Variants in USH2A observed in about 807,000 individuals in gnomAD.
USH2A encodes the protein Usher syndrome 2A (autosomal recessive, mild).
In USH2A, 443 loss-of-function variants were observed where a neutral mutation model predicts 538.9. That is an observed-to-expected ratio of 0.82 (90% CI 0.76 to 0.89). The LOEUF is 0.89. Among genes scored for constraint, USH2A ranks in the 40% least tolerant of loss-of-function variants. The probability of loss-of-function intolerance (pLI) is 0.00; values close to 1 mark genes in which losing one functional copy is unlikely to be tolerated. For synonymous variants in USH2A, 2,413 were observed against 2,273.5 expected (o/e 1.06, Z -1.75); for missense variants, 6,633 against 6,324.8 (o/e 1.05, Z -1.65).
At chr1:215,703,958 G>A (rs953898975) in intron 61 of USH2A, among the ~76,000 whole-genome samples, 1 of 152,182 alleles carries the variant, frequency 6.6e-6, no homozygotes, top group African/African-American at 2.4e-5. Flanking sequence ...GCACCTGAGG[G>A]AATCTCCTGG....
At position 215,901,304 on chromosome 1, in the gene USH2A, C is replaced by T. The variant is rs138934451; in HGVS notation, c.7301-399G>A. 4.8e-3 allele frequency: 1,453 copies of T among 302,506 alleles called. 9 individuals are homozygous for T. Among genetic ancestry groups the T allele is most frequent in the South Asian group, 0.013 (420 of 32,428 alleles). 18.7% of individuals were successfully genotyped at this position (302,506 alleles called of 1,614,324 possible). ...AGTCCAGATCTCATATTCTTCCCCC[C>T]GATATCATCCATTGCTGCCTTAATC... On this transcript the variant is annotated intron_variant, in intron 38 of 71. Transcript: ENST00000307340.
intron 11 of USH2A, among the ~76,000 whole-genome samples, chr1:216,267,030 G>A (rs1013668201): frequency 1.3e-5 from 2 of 151,962 alleles, no homozygotes; most frequent in African/African-American, 4.8e-5. Context: ...GGTATTTGAA[G>A]TAAAATATCA....
chr1:216,366,008 C>G (rs1478035717), intron 3 of USH2A, among the ~76,000 whole-genome samples: 4 of 152,134 alleles, frequency 2.6e-5, no homozygotes, highest in African/African-American at 9.7e-5. Flanking sequence ...CCATAGATAC[C>G]TGCACAAAAT....
chr1:215,694,428 A>C (rs955744380), intron 61 of USH2A, among the ~76,000 whole-genome samples: 5 of 151,768 alleles, frequency 3.3e-5, no homozygotes, highest in Admixed American at 2.0e-4. Flanking sequence ...CAAAAATTAG[A>C]CGGGCGTGGT....
intron 21 of USH2A, among the ~76,000 whole-genome samples, chr1:216,115,223 C>T (rs1175789921): frequency 2.0e-5 from 3 of 152,140 alleles, no homozygotes; most frequent in Non-Finnish European, 4.4e-5. Flanking sequence ...CATTGACCTC[C>T]TGAACTCAAA....
chr1:216,004,609 A>C (rs1342762180), intron 32 of USH2A, among the ~76,000 whole-genome samples: 1 of 152,218 alleles, frequency 6.6e-6, no homozygotes, highest in Non-Finnish European at 1.5e-5. Flanking sequence ...GAATAAAAGA[A>C]CATTTTCAAA....
chr1:215,769,588 G>C (rs530124816), intron 55 of USH2A, among the ~76,000 whole-genome samples: 1 of 152,154 alleles, frequency 6.6e-6, no homozygotes, highest in Non-Finnish European at 1.5e-5. Context: ...ATTTTTGATA[G>C]AGGGAGGAAA....
intron 17 of USH2A, among the ~76,000 whole-genome samples, chr1:216,199,112 T>C (rs2034922252): frequency 6.6e-6 from 1 of 152,236 alleles, no homozygotes; most frequent in Non-Finnish European, 1.5e-5. Context: ...TGCTATAATA[T>C]GTACATGATA....
chr1:215,625,954 T>C (rs1656008875), intron 71 of USH2A, 84 bp from the exon 72 acceptor site: 1 of 1,344,918 alleles, frequency 7.4e-7, no homozygotes, highest in African/African-American at 1.5e-5. Context: ...CAATTAAGTG[T>C]AAAAAGTAAT....
At chr1:215,683,799 TC>T (rs1658323572) in intron 61 of USH2A, among the ~76,000 whole-genome samples, 1 of 131,974 alleles carries the variant, frequency 7.6e-6, no homozygotes, top group Admixed American at 7.8e-5. Flanking sequence ...TCTTACTTCT[TC>T]CCCTTTATTG....
At chr1:215,888,268 T>C (rs1035346654) in intron 41 of USH2A, among the ~76,000 whole-genome samples, 158 bp downstream of exon 41, 1 of 152,184 alleles carries the variant, frequency 6.6e-6, no homozygotes, top group African/African-American at 2.4e-5. Context: ...ACATCGAATT[T>C]AAGATAGTTT....
chr1:215,640,040 A>T (rs1004634828), intron 68 of USH2A, among the ~76,000 whole-genome samples: 2 of 152,204 alleles, frequency 1.3e-5, no homozygotes, highest in Admixed American at 1.3e-4. Context: ...AGGGACATGT[A>T]AGTAAACAGG....
intron 11 of USH2A, among the ~76,000 whole-genome samples, chr1:216,270,087 C>T (rs571259382): frequency 6.6e-6 from 1 of 152,156 alleles, no homozygotes; most frequent in East Asian, 1.9e-4. Flanking sequence ...CAGTGATTAT[C>T]TAATAGTCAC....
chr1:216,046,357 C>T (rs917728198), intron 32 of USH2A, 74 bp downstream of exon 32: 27 of 1,575,540 alleles, frequency 1.7e-5, no homozygotes, highest in South Asian at 6.8e-5. Context: ...CCCTGGATAT[C>T]GAGAGCCAAC....
At position 215,844,435 on chromosome 1, in the gene USH2A, G is replaced by T. The variant is rs781670176; in HGVS notation, c.9117C>A (p.Ile3039=). ...VIINSTAVRV[I]WTSPSNPNGV... Reference sequence around the variant, plus strand: ...CATTTGGGTTTGAAGGAGATGTCCAGATGACACGTACAGCTGTACTGTTGA... The same window carrying T: ...CATTTGGGTTTGAAGGAGATGTCCATATGACACGTACAGCTGTACTGTTGA... The change falls in exon 46 of 72, where the codon ATC becomes ATA. Residue 3039 remains isoleucine (I), a synonymous_variant. Coordinates refer to ENST00000307340, the MANE Select transcript of USH2A (RefSeq NM_206933.4). 2 of 1,613,078 alleles carry T rather than the reference G, an allele frequency of 1.2e-6. No individual in the cohort carries two copies. The highest frequency in any genetic ancestry group is 1.7e-6 in the Non-Finnish European group (2 of 1,179,866).
chr1:216,337,468 T>C (rs1329054824), intron 4 of USH2A, among the ~76,000 whole-genome samples: 2 of 151,278 alleles, frequency 1.3e-5, no homozygotes, highest in African/African-American at 2.4e-5. Flanking sequence ...CTCAACAAAT[T>C]AAATCTGCCA....
chr1:215,761,049 C>G (rs1660966539), intron 56 of USH2A, among the ~76,000 whole-genome samples: 1 of 152,136 alleles, frequency 6.6e-6, no homozygotes, highest in South Asian at 2.1e-4. Context: ...TGGCAGCATT[C>G]TTTGCACCAT....
intron 21 of USH2A, among the ~76,000 whole-genome samples, chr1:216,138,740 A>G (rs545238698): frequency 6.6e-6 from 1 of 152,160 alleles, no homozygotes; most frequent in Admixed American, 6.5e-5. Context: ...CCTTTTTCTG[A>G]TGAAAGAAAA....
At chr1:216,405,085 G>A (rs1046920402) in intron 3 of USH2A, among the ~76,000 whole-genome samples, 2 of 151,916 alleles carry the variant, frequency 1.3e-5, no homozygotes, top group Non-Finnish European at 2.9e-5. Context: ...CGAAGTCCTG[G>A]GCTCAAGCAA....
Sources: gnomAD v4.1 joint callset for allele counts (sites outside exome capture counted in the v4.1 genomes callset) on GRCh38, gnomAD v4.1.1 for gene constraint, MANE v1.5 for transcripts, NCBI Gene and HGNC (gene_info 2026-07-23, HGNC 2026-07-21) for gene names.